XIRP2: variants seen among roughly 807,000 people sequenced by gnomAD.
XIRP2 encodes the protein xin actin binding repeat containing 2.
A neutral mutation model predicts 277.0 loss-of-function variants in XIRP2; 236 were observed. The observed-to-expected ratio is 0.85, with a 90% confidence interval of 0.77 to 0.95. The LOEUF (loss-of-function observed/expected upper bound fraction) is 0.95, where lower values mean the gene tolerates loss of function less well. XIRP2 is among the 40% of genes least tolerant of loss of function. XIRP2 has a pLI of 0.00. For missense variants in XIRP2, 4,640 were observed against 4,157.5 expected, an observed-to-expected ratio of 1.12 and a Z score of -3.19; for synonymous variants, 1,490 against 1,416.5, an observed-to-expected ratio of 1.05 and a Z score of -1.17.
chr2:167,206,118 A>G (rs1472885644), intron 3 of XIRP2, among the ~76,000 whole-genome samples: 2 of 152,190 alleles, frequency 1.3e-5, no homozygotes. Context: ...CTCTTCATGT[A>G]TCTGGATAAC....
Position 167,063,814 on chromosome 2 carries a change from TA to T in XIRP2, c.409-72094del, listed in dbSNP as rs536481623. On this transcript the variant is annotated intron_variant, in intron 2 of 10. Coordinates refer to ENST00000409195, the MANE Select transcript of XIRP2 (RefSeq NM_152381.6). The stretch of plus-strand genomic sequence containing the variant: ...TACACATTAAATCTTGGTGTCTTTA[TA>T]TTTTAAGTGGGTTTCTTTTTTAAAC... 5.1e-3 allele frequency among the ~76,000 whole-genome samples: 773 copies of T among 151,834 alleles called. 1 individual carries two copies. The highest frequency in any genetic ancestry group is 0.018 in the African/African-American group (730 of 41,550).
At chr2:166,940,358 T>C (rs1685669355) in intron 2 of XIRP2, among the ~76,000 whole-genome samples, 2 of 152,258 alleles carry the variant, frequency 1.3e-5, no homozygotes, top group Non-Finnish European at 2.9e-5. Flanking sequence ...TAATCTTTTT[T>C]CAAGGTTTTT....
chr2:167,247,776 A>G lies in XIRP2; in HGVS notation c.6384A>G (p.Glu2128=). 3 of 1,613,460 alleles carry G rather than the reference A, an allele frequency of 1.9e-6. No individual in the cohort carries two copies. Among genetic ancestry groups the G allele is most frequent in the Non-Finnish European group, 2.5e-6 (3 of 1,179,676 alleles). The change falls in exon 9 of 11, where the codon GAA becomes GAG. Residue 2128 remains glutamate (E), a synonymous_variant. Transcript: ENST00000409195. The part of the protein sequence containing the change: ...GKTVGKQQTY[E]LRNDHQKMEG... ...CCGTTGGAAAGCAACAGACATATGA[A>G]CTGAGAAATGACCACCAGAAAATGG...
chr2:167,244,955 T>C lies in XIRP2; in HGVS notation c.3563T>C (p.Val1188Ala). ...GAAGAAGTGAAGGAAATCAAGCCTG[T>C]TGAAATGGATATACAAGCTGGAGAT... ...QGEEVKEIKP[V>A]EMDIQAGDVS... is the part of the protein sequence containing the mutation. The change falls in exon 9 of 11, where the codon GTT becomes GCT. Residue 1188 changes from valine (V) to alanine (A), a missense_variant. Coordinates refer to ENST00000409195, the MANE Select transcript of XIRP2 (RefSeq NM_152381.6). 6.2e-7 allele frequency: 1 copy of C among 1,612,718 alleles called. No homozygotes were observed. The highest frequency in any genetic ancestry group is 2.2e-5 in the East Asian group (1 of 44,818).
intron 2 of XIRP2, among the ~76,000 whole-genome samples, chr2:167,094,797 C>A (rs554828591): frequency 1.3e-5 from 2 of 152,112 alleles, no homozygotes; most frequent in Non-Finnish European, 2.9e-5. Context: ...CTTGGCAATG[C>A]GGGCTCTTTT....
intron 2 of XIRP2, among the ~76,000 whole-genome samples, chr2:167,020,143 A>G (rs1687940610): frequency 6.6e-6 from 1 of 152,034 alleles, no homozygotes. Context: ...ATGGTTGTTT[A>G]TGGCCAAAAT....
At chr2:167,198,837 T>C (rs901242898) in intron 3 of XIRP2, among the ~76,000 whole-genome samples, 1 of 152,226 alleles carries the variant, frequency 6.6e-6, no homozygotes, top group African/African-American at 2.4e-5. Flanking sequence ...TTAGTGTGGC[T>C]TCCTTTCTTT....
chr2:166,957,792 T>C (rs1356817766), intron 2 of XIRP2, among the ~76,000 whole-genome samples: 1 of 151,846 alleles, frequency 6.6e-6, no homozygotes, highest in Non-Finnish European at 1.5e-5. Flanking sequence ...ACTTCAGGCG[T>C]ACTTTTTATG....
In XIRP2 at chr2:166,890,573, G is replaced by T. The variant is rs4667527; in HGVS notation, c.-19+2016G>T. 5.9e-5 allele frequency among the ~76,000 whole-genome samples: 9 copies of T among 152,050 alleles called. No individual in the cohort carries two copies. The South Asian group carries it at 1.9e-3, about 32-fold the overall frequency. Reference sequence around the variant, plus strand: ...CAGCTCTCAATAGTAAACTCTAAAAGTTTGTTTTTATTTTTATTATTCACA... The same window carrying T: ...CAGCTCTCAATAGTAAACTCTAAAATTTTGTTTTTATTTTTATTATTCACA... On this transcript the variant is annotated intron_variant, in intron 1 of 10. Coordinates refer to ENST00000409195, the MANE Select transcript of XIRP2 (RefSeq NM_152381.6).
intron 3 of XIRP2, among the ~76,000 whole-genome samples, chr2:167,194,239 AC>A (rs925271875): frequency 3.3e-5 from 5 of 151,382 alleles, no homozygotes; most frequent in African/African-American, 1.2e-4. Context: ...GCACCACAAC[AC>A]CACCTAATTT....
intron 2 of XIRP2, among the ~76,000 whole-genome samples, chr2:167,028,139 A>G (rs963227049): frequency 1.3e-5 from 2 of 152,096 alleles, no homozygotes; most frequent in Admixed American, 6.6e-5. Flanking sequence ...TTTTTCTTTC[A>G]AACTTACAAA....
At position 167,108,833 on chromosome 2, in the gene XIRP2, G is replaced by GT. The variant is rs112985241; in HGVS notation, c.409-27066dup. ...GTGTTTCTTGGGAGGGTTTTGTTGT[G>GT]TTTTTTTTTTGGTTTGAATAAGTCT... On this transcript the variant is annotated intron_variant, in intron 2 of 10. Transcript: ENST00000409195. Among the ~76,000 whole-genome samples, 188 of 144,744 alleles carry GT rather than the reference G, an allele frequency of 1.3e-3. No homozygotes were observed. The East Asian group carries it at 0.015, about 11-fold the overall frequency. The allele number at this position is 144,744 out of a possible 152,430, so 95.0% of individuals were successfully genotyped here.
intron 3 of XIRP2, among the ~76,000 whole-genome samples, chr2:167,188,236 C>T (rs971675943): frequency 6.6e-6 from 1 of 152,204 alleles, no homozygotes; most frequent in Non-Finnish European, 1.5e-5. Flanking sequence ...CTTCTGTCTT[C>T]GATTGCCTGT....
intron 3 of XIRP2, among the ~76,000 whole-genome samples, chr2:167,178,133 A>G (rs1692904966): frequency 6.6e-6 from 1 of 152,086 alleles, no homozygotes; most frequent in Non-Finnish European, 1.5e-5. Context: ...TGTTATTTGT[A>G]CATGTGTTTT....
chr2:167,109,162 T>C (rs1450551617), intron 2 of XIRP2, among the ~76,000 whole-genome samples: 1 of 151,986 alleles, frequency 6.6e-6, no homozygotes, highest in Non-Finnish European at 1.5e-5. Flanking sequence ...TAGGATGATG[T>C]CCTCCAACTC....
chr2:166,937,738 G>A (rs1017159322), intron 2 of XIRP2, among the ~76,000 whole-genome samples: 2 of 152,096 alleles, frequency 1.3e-5, no homozygotes, highest in Non-Finnish European at 2.9e-5. Context: ...ACATTTTTTG[G>A]TTAGTAAGCT....
chr2:167,240,703 G>C lies in XIRP2; in HGVS notation c.1009G>C (p.Ala337Pro). The C allele has an allele frequency of 6.2e-7, 1 of 1,613,804 alleles. No individual in the cohort carries two copies. The highest frequency in any genetic ancestry group is 8.5e-7 in the Non-Finnish European group (1 of 1,179,882). ...LEKHTEEVNQ[A>P]SQFHQYVQET... ...AAAGCACACCGAGGAAGTAAACCAA[G>C]CATCTCAGTTTCATCAATATGTTCA... Residue 337 changes from alanine (A) to proline (P), a missense_variant, in exon 7 of 11, where the codon GCA becomes CCA. Transcript: ENST00000409195.
intron 2 of XIRP2, among the ~76,000 whole-genome samples, chr2:167,041,310 G>A (rs1170079283): frequency 6.6e-6 from 1 of 152,118 alleles, no homozygotes; most frequent in African/African-American, 2.4e-5. Flanking sequence ...CCCAGCAATG[G>A]TTCTTAACCA....
At chr2:167,165,645 G>T (rs1456894746) in intron 3 of XIRP2, among the ~76,000 whole-genome samples, 1 of 152,132 alleles carries the variant, frequency 6.6e-6, no homozygotes, top group Non-Finnish European at 1.5e-5. Flanking sequence ...GTCCTTTTTG[G>T]TGAGGTGTCT....
Sources: gnomAD v4.1 joint callset for allele counts (sites outside exome capture counted in the v4.1 genomes callset) on GRCh38, gnomAD v4.1.1 for gene constraint, MANE v1.5 for transcripts, NCBI Gene and HGNC (gene_info 2026-07-23, HGNC 2026-07-21) for gene names.